EPHA5: variants seen among roughly 807,000 people sequenced by gnomAD.
EPHA5 encodes ephrin type-A receptor 5.
In EPHA5, 60 loss-of-function variants were observed where a neutral mutation model predicts 105.0. The observed-to-expected ratio is 0.57, with a 90% CI of 0.46 to 0.71. The LOEUF (loss-of-function observed/expected upper bound fraction) is 0.71. EPHA5 is among the 30% of genes least tolerant of loss of function. The pLI, the probability that EPHA5 is intolerant of heterozygous loss-of-function variation, is 0.00. For synonymous variants in EPHA5, 513 were observed against 449.1 expected (o/e 1.14, Z -1.80); for missense variants, 1,218 against 1,274.7 (o/e 0.96, Z 0.68).
At chr4:65,423,921 A>T (rs1212784574) in intron 5 of EPHA5, among the ~76,000 whole-genome samples, 1 of 152,022 alleles carries the variant, frequency 6.6e-6, no homozygotes, top group Non-Finnish European at 1.5e-5. Context: ...TAACTTGTGT[A>T]TATCTATACA....
At chr4:65,617,711 A>G (rs1358138086) in intron 2 of EPHA5, among the ~76,000 whole-genome samples, 1 of 152,110 alleles carries the variant, frequency 6.6e-6, no homozygotes, top group Non-Finnish European at 1.5e-5. Flanking sequence ...GTTAAACTCA[A>G]TTCTGTCACA....
rs1353394445 is a variant in EPHA5, at chr4:65,665,376, T to A, written c.181+4186A>T. ...TTATTTTCTCAATGGTAGCAATCAA[T>A]TCTGAATAAAATATTTAATTAAAAA... On this transcript the variant is annotated intron_variant, in intron 1 of 16. Transcript: ENST00000613740. Among the ~76,000 whole-genome samples the A allele has an allele frequency of 2.0e-5, 3 of 152,174 alleles. No individual in the cohort carries two copies. The East Asian group carries it at 5.8e-4, about 29-fold the overall frequency.
chr4:65,392,424 G>A (rs1720809640), intron 8 of EPHA5, among the ~76,000 whole-genome samples: 1 of 151,930 alleles, frequency 6.6e-6, no homozygotes, highest in African/African-American at 2.4e-5. Flanking sequence ...TAATATTTAT[G>A]AGATTAAAAT....
At chr4:65,460,468 G>C (rs1456185685) in intron 5 of EPHA5, among the ~76,000 whole-genome samples, 2 of 150,946 alleles carry the variant, frequency 1.3e-5, no homozygotes, top group East Asian at 3.9e-4. Context: ...AGAAGTTAAT[G>C]TAAATAACTT....
chr4:65,418,072 G>A (rs2149030245), intron 6 of EPHA5, among the ~76,000 whole-genome samples: 1 of 152,158 alleles, frequency 6.6e-6, no homozygotes, highest in East Asian at 1.9e-4. Flanking sequence ...AACCCTTATT[G>A]CATCTCAGAT....
At chr4:65,528,927 A>G (rs1189100424) in intron 3 of EPHA5, among the ~76,000 whole-genome samples, 1 of 152,166 alleles carries the variant, frequency 6.6e-6, no homozygotes, top group Non-Finnish European at 1.5e-5. Context: ...TGACCATGCA[A>G]TTACAATTAA....
At chr4:65,453,314 C>T (rs1169515415) in intron 5 of EPHA5, among the ~76,000 whole-genome samples, 2 of 152,102 alleles carry the variant, frequency 1.3e-5, no homozygotes, top group Admixed American at 6.5e-5. Context: ...TACAATCTGT[C>T]ACGTCTTTTT....
intron 6 of EPHA5, 124 bp from the exon 7 acceptor site, chr4:65,414,567 C>A: frequency 9.4e-7 from 1 of 1,062,948 alleles, no homozygotes; most frequent in Non-Finnish European, 1.3e-6. Flanking sequence ...ACAAATATAA[C>A]ATTTTAGAAA....
intron 2 of EPHA5, among the ~76,000 whole-genome samples, chr4:65,630,436 G>A (rs1355012321): frequency 6.6e-6 from 1 of 152,178 alleles, no homozygotes; most frequent in Middle Eastern, 3.2e-3. Context: ...TAGCAGGCCA[G>A]TGCATGTGGA....
chr4:65,369,734 G>C (rs1285433502), intron 8 of EPHA5, among the ~76,000 whole-genome samples: 4 of 152,034 alleles, frequency 2.6e-5, no homozygotes, highest in African/African-American at 9.7e-5. Flanking sequence ...TTGGGAATCT[G>C]AGGTGGGCAG....
chr4:65,345,151 C>T (rs936625766), intron 14 of EPHA5, among the ~76,000 whole-genome samples: 1 of 151,960 alleles, frequency 6.6e-6, no homozygotes, highest in South Asian at 2.1e-4. Flanking sequence ...TGTCATAGTC[C>T]CGCCCCTAAA....
At chr4:65,637,542 C>CAT (rs1376960617) in intron 2 of EPHA5, among the ~76,000 whole-genome samples, 2 of 136,838 alleles carry the variant, frequency 1.5e-5, no homozygotes, top group African/African-American at 2.7e-5. Flanking sequence ...AAAATGAACT[C>CAT]ATATATATAC....
At chr4:65,484,155 G>GT (rs1278080630) in intron 5 of EPHA5, among the ~76,000 whole-genome samples, 1 of 151,984 alleles carries the variant, frequency 6.6e-6, no homozygotes, top group Admixed American at 6.6e-5. Flanking sequence ...CTTTTTAGAA[G>GT]TTCACATCTC....
intron 8 of EPHA5, among the ~76,000 whole-genome samples, chr4:65,404,108 GAGATAT>G (rs1366738365): frequency 1.8e-4 from 28 of 152,074 alleles, no homozygotes; most frequent in African/African-American, 6.8e-4. Context: ...GTCATATAAA[GAGATAT>G]AGCTATATTA....
At chr4:65,597,436 G>T (rs189275427) in intron 3 of EPHA5, among the ~76,000 whole-genome samples, 1 of 134,284 alleles carries the variant, frequency 7.4e-6, no homozygotes, top group Non-Finnish European at 1.6e-5. Context: ...TCTAAAATGT[G>T]TTTTTGCTAA....
intron 7 of EPHA5, 51 bp downstream of exon 7, chr4:65,414,233 T>C: frequency 6.4e-7 from 1 of 1,566,346 alleles, no homozygotes; most frequent in East Asian, 2.2e-5. Context: ...ACTGACTCTT[T>C]TCTGGTAACC....
chr4:65,588,073 T>G (rs1386072828), intron 3 of EPHA5, among the ~76,000 whole-genome samples: 1 of 152,178 alleles, frequency 6.6e-6, no homozygotes, highest in Non-Finnish European at 1.5e-5. Context: ...ACTTTCTAGT[T>G]TTAGTTTGTG....
At chr4:65,556,172 A>G (rs1358066186) in intron 3 of EPHA5, among the ~76,000 whole-genome samples, 1 of 152,206 alleles carries the variant, frequency 6.6e-6, no homozygotes, top group East Asian at 1.9e-4. Context: ...CATTTCTGAA[A>G]AAGCATAAAG....
intron 11 of EPHA5, among the ~76,000 whole-genome samples, chr4:65,354,310 T>C (rs114970662): frequency 6.6e-6 from 1 of 151,800 alleles, no homozygotes; most frequent in Middle Eastern, 3.2e-3. Flanking sequence ...TATAAAATTG[T>C]GACATTTCAT....
Sources: gnomAD v4.1 joint callset for allele counts (sites outside exome capture counted in the v4.1 genomes callset) on GRCh38, gnomAD v4.1.1 for gene constraint, MANE v1.5 for transcripts, NCBI Gene and HGNC (gene_info 2026-07-23, HGNC 2026-07-21) for gene names.